ELP4: variants seen among roughly 807,000 people sequenced by gnomAD.
The protein encoded by ELP4 is elongator complex protein 4.
A neutral mutation model predicts 48.9 loss-of-function variants in ELP4; 51 were observed. That is an observed-to-expected ratio of 1.04 (90% CI 0.83 to 1.32). The LOEUF (loss-of-function observed/expected upper bound fraction) is 1.32, where lower values mean the gene tolerates loss of function less well. Ranked by LOEUF, ELP4 falls within the 40% of genes most tolerant of loss-of-function variation. ELP4 has a pLI of 0.00. For missense variants in ELP4, 519 were observed against 514.6 expected (o/e 1.01, Z -0.08); for synonymous variants, 210 against 189.2 (o/e 1.11, Z -0.90).
chr11:31,557,024 C>T (rs534882699), intron 3 of ELP4, among the ~76,000 whole-genome samples: 1 of 151,904 alleles, frequency 6.6e-6, no homozygotes, highest in East Asian at 1.9e-4. Context: ...AATGAATACT[C>T]ACTTTGAAAT....
intron 1 of ELP4, among the ~76,000 whole-genome samples, chr11:31,514,923 T>C (rs944453449): frequency 6.6e-6 from 1 of 151,738 alleles, no homozygotes; most frequent in Non-Finnish European, 1.5e-5. Context: ...TATACAAAGG[T>C]ATCTTGTGGA....
intron 9 of ELP4, among the ~76,000 whole-genome samples, chr11:31,726,271 C>T (rs908169888): frequency 6.6e-6 from 1 of 152,032 alleles, no homozygotes; most frequent in Non-Finnish European, 1.5e-5. Flanking sequence ...AAAGGCTTTT[C>T]AGCAGAGTGA....
At chr11:31,541,332 C>T (rs1187642909) in intron 3 of ELP4, 1 of 152,076 alleles carries the variant, frequency 6.6e-6, no homozygotes, top group Non-Finnish European at 1.5e-5. Flanking sequence ...TTATTTTTTT[C>T]TCAATCTCTT....
At chr11:31,752,726 CG>C (rs1367348310) in intron 9 of ELP4, among the ~76,000 whole-genome samples, 1 of 150,512 alleles carries the variant, frequency 6.6e-6, no homozygotes, top group Non-Finnish European at 1.5e-5. Flanking sequence ...CCCAGCTACT[CG>C]GGAGGCTGAG....
intron 9 of ELP4, among the ~76,000 whole-genome samples, chr11:31,755,187 GC>G (rs981722639): frequency 4.9e-4 from 75 of 152,092 alleles, no homozygotes; most frequent in African/African-American, 1.6e-3. Context: ...TTGTTTTTTA[GC>G]CCCTAAAATA....
At chr11:31,665,324 G>A (rs1473076246) in intron 9 of ELP4, among the ~76,000 whole-genome samples, 1 of 152,076 alleles carries the variant, frequency 6.6e-6, no homozygotes, top group African/African-American at 2.4e-5. Flanking sequence ...AACTATGCCT[G>A]TAGCAAAAGG....
At chr11:31,537,366 C>A (rs1956518058) in intron 2 of ELP4, among the ~76,000 whole-genome samples, 1 of 151,586 alleles carries the variant, frequency 6.6e-6, no homozygotes, top group Non-Finnish European at 1.5e-5. Context: ...ATATTTCTGT[C>A]CTTTTGCTAA....
intron 9 of ELP4, among the ~76,000 whole-genome samples, chr11:31,665,655 CTTTTTTTTTTTT>C (rs71060496): frequency 6.3e-5 from 5 of 79,660 alleles, no homozygotes; most frequent in Non-Finnish European, 1.3e-4. Flanking sequence ...GTCTCTCTTC[CTTTTTTTTTTTT>C]TTTTTTTTTT....
chr11:31,636,971 A>C (rs1003357749), intron 7 of ELP4, among the ~76,000 whole-genome samples: 1 of 152,010 alleles, frequency 6.6e-6, no homozygotes, highest in Non-Finnish European at 1.5e-5. Context: ...GATAGAATAT[A>C]GTTTTAGTAT....
chr11:31,599,880 C>CA (rs1957747607), intron 4 of ELP4: 1 of 152,142 alleles, frequency 6.6e-6, no homozygotes, highest in Non-Finnish European at 1.5e-5. Context: ...CAAACCATAT[C>CA]ACTGGGTTTT....
chr11:31,543,923 A>T (rs930538529), intron 3 of ELP4, among the ~76,000 whole-genome samples: 2 of 152,272 alleles, frequency 1.3e-5, no homozygotes, highest in African/African-American at 4.8e-5. Context: ...AAAATCAAAA[A>T]GAATTCACAA....
At chr11:31,742,836 C>A (rs1253712271) in intron 9 of ELP4, among the ~76,000 whole-genome samples, 1 of 152,174 alleles carries the variant, frequency 6.6e-6, no homozygotes, top group Non-Finnish European at 1.5e-5. Flanking sequence ...GAAGAAACTG[C>A]ATCAAGTATC....
intron 2 of ELP4, among the ~76,000 whole-genome samples, chr11:31,528,327 G>T (rs576267699): frequency 2.6e-5 from 4 of 152,192 alleles, no homozygotes; most frequent in South Asian, 2.1e-4. Flanking sequence ...AGATAGTCAT[G>T]GAGTGTTTTG....
chr11:31,788,995 T>C lies in ELP4; in HGVS notation c.*5471T>C, dbSNP rs886048198. The C allele has an allele frequency of 1.0e-5, 2 of 199,518 alleles. No individual in the cohort carries two copies. The highest frequency in any genetic ancestry group is 2.1e-5 in the Non-Finnish European group (2 of 96,424). 12.4% of individuals were successfully genotyped at this position (199,518 alleles called of 1,614,324 possible). On this transcript the variant is annotated 3_prime_UTR_variant, in exon 10 of 10. Coordinates refer to ENST00000640961, the MANE Select transcript of ELP4 (RefSeq NM_019040.5). ...CAATCAACAATGGTTAATTTTGATA[T>C]GTAGTTGTGAACAACTTCAAAACAC... is the stretch of plus-strand genomic sequence containing the variant.
chr11:31,695,028 C>G (rs369986432), intron 9 of ELP4, among the ~76,000 whole-genome samples: 5 of 152,088 alleles, frequency 3.3e-5, no homozygotes, highest in Non-Finnish European at 7.4e-5. Context: ...CTTTGCTGAA[C>G]TTGCTTATCA....
chr11:31,570,815 T>TG (rs1456401367), intron 3 of ELP4, among the ~76,000 whole-genome samples: 71 of 142,186 alleles, frequency 5.0e-4, no homozygotes, highest in Non-Finnish European at 8.2e-4. Flanking sequence ...TTTTTTTTTT[T>TG]GTGAGACAGA....
At chr11:31,651,237 C>T (rs946327263) in intron 9 of ELP4, 11 of 151,704 alleles carry the variant, frequency 7.3e-5, no homozygotes, top group Admixed American at 4.0e-4. Flanking sequence ...TTTCCCTTCA[C>T]ATTTGCAAGT....
At chr11:31,772,026 G>C (rs1948156330) in intron 9 of ELP4, among the ~76,000 whole-genome samples, 1 of 151,816 alleles carries the variant, frequency 6.6e-6, no homozygotes, top group Non-Finnish European at 1.5e-5. Context: ...TCTCCAGAAA[G>C]GCCTTCGCCT....
intron 9 of ELP4, among the ~76,000 whole-genome samples, chr11:31,714,438 C>T (rs1410649618): frequency 6.6e-6 from 1 of 152,094 alleles, no homozygotes; most frequent in Non-Finnish European, 1.5e-5. Context: ...TTACTTCTTC[C>T]AGTACAATCA....
Sources: gnomAD v4.1 joint callset for allele counts (sites outside exome capture counted in the v4.1 genomes callset) on GRCh38, gnomAD v4.1.1 for gene constraint, MANE v1.5 for transcripts, NCBI Gene and HGNC (gene_info 2026-07-23, HGNC 2026-07-21) for gene names.